The following PKP4 variants were observed in gnomAD, a reference collection of about 807,000 sequenced individuals.
PKP4 encodes the protein plakophilin 4, also known as plakophilin-4.
Under a neutral mutation model 145.1 loss-of-function variants are expected in PKP4, and 90 were observed. That is an observed-to-expected ratio of 0.62 (90% confidence interval 0.52 to 0.74). The LOEUF (loss-of-function observed/expected upper bound fraction) is 0.74, where lower values mean the gene tolerates loss of function less well. Among genes scored for constraint, PKP4 ranks in the 30% least tolerant of loss-of-function variants. The probability of loss-of-function intolerance (pLI) is 0.00; values close to 1 mark genes in which losing one functional copy is unlikely to be tolerated. For synonymous variants in PKP4, 563 were observed against 577.2 expected, an observed-to-expected ratio of 0.98 and a Z score of 0.35; for missense variants, 1,340 against 1,482.7, an observed-to-expected ratio of 0.90 and a Z score of 1.58.
intron 2 of PKP4, among the ~76,000 whole-genome samples, chr2:158,539,070 G>A (rs1340186710): frequency 6.6e-6 from 1 of 152,108 alleles, no homozygotes; most frequent in Non-Finnish European, 1.5e-5. Context: ...CATCTGTGTG[G>A]CTCTTAAAGA....
At chr2:158,476,277 A>G (rs1033724253) in intron 1 of PKP4, among the ~76,000 whole-genome samples, 1 of 152,150 alleles carries the variant, frequency 6.6e-6, no homozygotes. Context: ...CTGGGATGTC[A>G]TATGATTCCT....
At chr2:158,677,637 T>TG (rs779338947) in intron 20 of PKP4, among the ~76,000 whole-genome samples, 8 of 152,304 alleles carry the variant, frequency 5.3e-5, no homozygotes, top group East Asian at 3.9e-4. Flanking sequence ...TTACTCCTGC[T>TG]GGGGGGGCAG....
Position 158,620,992 on chromosome 2 carries a change from G to A in PKP4, c.283G>A (p.Val95Met), listed in dbSNP as rs769498573. 16 of 1,613,376 alleles carry A rather than the reference G, an allele frequency of 9.9e-6. 1 individual carries two copies. The Middle Eastern group carries it at 4.9e-4, about 50-fold the overall frequency. Reference protein sequence around the residue: ...EKSFPWRSTDVPNTGVSKPRV... With the variant: ...EKSFPWRSTDMPNTGVSKPRV... ...TGATTAAACTTTTCTTGTTACAGACGTGCCAAATACTGGTGTAAGCAAACC... is the reference window on the plus strand; with the variant it reads ...TGATTAAACTTTTCTTGTTACAGACATGCCAAATACTGGTGTAAGCAAACC... Residue 95 changes from valine to methionine, a missense_variant and splice_region_variant, in exon 5 of 22, where the codon GTG (valine) becomes ATG (methionine). Val to Met is a conservative substitution (Grantham distance 21). Transcript: ENST00000389759.
At chr2:158,676,368 C>T (rs777027883) in intron 19 of PKP4, among the ~76,000 whole-genome samples, 5 of 152,340 alleles carry the variant, frequency 3.3e-5, no homozygotes, top group Non-Finnish European at 5.9e-5. Context: ...AAGTATAACT[C>T]TTGCATGGCT....
At chr2:158,661,212 T>G (rs1184399714) in intron 12 of PKP4, 121 bp from the exon 13 acceptor site, 1 of 672,902 alleles carries the variant, frequency 1.5e-6, no homozygotes, top group East Asian at 2.7e-5. Flanking sequence ...CCCCAGTGCC[T>G]CCTCCGACCT....
chr2:158,602,767 C>T (rs768683144), intron 3 of PKP4, among the ~76,000 whole-genome samples: 5 of 151,982 alleles, frequency 3.3e-5, no homozygotes, highest in South Asian at 4.1e-4. Flanking sequence ...CATATTATCA[C>T]GAAAAAACTG....
intron 1 of PKP4, among the ~76,000 whole-genome samples, chr2:158,485,075 C>G (rs187425892): frequency 1.2e-4 from 18 of 152,322 alleles, no homozygotes; most frequent in South Asian, 2.1e-4. Flanking sequence ...AACTGTTGCT[C>G]TGTGATAGAC....
chr2:158,596,789 G>T (rs749482611), intron 3 of PKP4, among the ~76,000 whole-genome samples: 5 of 152,152 alleles, frequency 3.3e-5, no homozygotes, highest in Non-Finnish European at 7.4e-5. Context: ...TCTTACACAT[G>T]CAGCGTATTA....
chr2:158,663,808 T>C (rs1256195631), intron 15 of PKP4, among the ~76,000 whole-genome samples: 1 of 152,150 alleles, frequency 6.6e-6, no homozygotes. Flanking sequence ...TGGAGGAGAT[T>C]TCCTGAAGGG....
At chr2:158,530,500 C>CTTCCTTTTTTTTTTTTTTTTTTTTT (rs1559281012) in intron 1 of PKP4, among the ~76,000 whole-genome samples, 1 of 83,728 alleles carries the variant, frequency 1.2e-5, no homozygotes. Flanking sequence ...AGTACTCTTT[C>CTTCCTTTTTTTTTTTTTTTTTTTTT]TTTCTTTTTT....
At chr2:158,675,970 G>GA (rs1465250460) in intron 19 of PKP4, among the ~76,000 whole-genome samples, 2 of 152,028 alleles carry the variant, frequency 1.3e-5, no homozygotes, top group African/African-American at 4.8e-5. Flanking sequence ...ATAAGAAAAA[G>GA]AAAAAATGTG....
intron 1 of PKP4, among the ~76,000 whole-genome samples, chr2:158,522,059 C>T (rs2105569263): frequency 6.6e-6 from 1 of 152,190 alleles, no homozygotes; most frequent in African/African-American, 2.4e-5. Context: ...ATAATGACAA[C>T]TATATGTTAT....
chr2:158,549,250 A>G (rs2045369669), intron 2 of PKP4: 1 of 158,714 alleles, frequency 6.3e-6, no homozygotes, highest in African/African-American at 2.4e-5. Flanking sequence ...TTTTCTGCAC[A>G]TAAAAATAAC....
At chr2:158,507,437 C>T (rs1168592198) in intron 1 of PKP4, among the ~76,000 whole-genome samples, 2 of 152,130 alleles carry the variant, frequency 1.3e-5, no homozygotes, top group Admixed American at 1.3e-4. Flanking sequence ...AACAGAGTAC[C>T]GTGAAACCAG....
intron 1 of PKP4, among the ~76,000 whole-genome samples, chr2:158,492,536 T>C (rs1277728320): frequency 6.6e-6 from 1 of 152,118 alleles, no homozygotes; most frequent in Non-Finnish European, 1.5e-5. Flanking sequence ...CCCTTTGGCT[T>C]CCGCCACCCT....
Position 158,663,083 on chromosome 2 carries a change from G to T in PKP4, c.2398G>T (p.Asp800Tyr). The change falls in exon 14 of 22, where the codon GAT becomes TAT. Residue 800 changes from aspartate (D) to tyrosine (Y), a missense_variant. By Grantham distance (160) the Asp-to-Tyr change is radical. Coordinates refer to ENST00000389759, the MANE Select transcript of PKP4 (RefSeq NM_003628.6). ...KKKKKRTPQE[D>Y]QWDGVGPIPG... ...AAAGAAAAAGAGGACTCCGCAAGAA[G>T]ATCAAGTTAGCATTTTATTTTATAT... 1.9e-6 allele frequency: 3 copies of T among 1,600,208 alleles called. No individual in the cohort carries two copies. Among genetic ancestry groups the T allele is most frequent in the Non-Finnish European group, 2.6e-6 (3 of 1,174,108 alleles).
At chr2:158,542,666 A>G (rs959584956) in intron 2 of PKP4, among the ~76,000 whole-genome samples, 20 of 152,178 alleles carry the variant, frequency 1.3e-4, no homozygotes, top group Non-Finnish European at 2.1e-4. Context: ...AATGCAAAGA[A>G]TGGATCATCT....
intron 3 of PKP4, among the ~76,000 whole-genome samples, chr2:158,580,606 G>C (rs199627685): frequency 1.3e-5 from 2 of 152,166 alleles, no homozygotes; most frequent in African/African-American, 4.8e-5. Context: ...ATGGTGATTA[G>C]AAGTTTTCCT....
intron 1 of PKP4, among the ~76,000 whole-genome samples, chr2:158,471,990 A>G (rs2105404797): frequency 6.6e-6 from 1 of 152,374 alleles, no homozygotes; most frequent in African/African-American, 2.4e-5. Flanking sequence ...AAAAAGCGCT[A>G]TCTAGGAAGC....
Sources: allele counts gnomAD v4.1 joint callset (sites outside exome capture counted in the v4.1 genomes callset), GRCh38; gene constraint gnomAD v4.1.1; transcripts MANE v1.5; gene names NCBI Gene and HGNC (gene_info 2026-07-23, HGNC 2026-07-21).